Variants in TM9SF2 observed in about 807,000 individuals in gnomAD.
TM9SF2 encodes transmembrane 9 superfamily member 2.
In TM9SF2, 13 loss-of-function variants were observed where a neutral mutation model predicts 84.9. The ratio of observed to expected loss-of-function variants is 0.15; its 90% CI spans 0.10 to 0.24. TM9SF2 has a LOEUF of 0.24. TM9SF2 is among the 10% of genes least tolerant of loss of function. The probability of loss-of-function intolerance (pLI) is 1.00; values close to 1 mark genes in which losing one functional copy is unlikely to be tolerated. For synonymous variants in TM9SF2, 273 were observed against 285.8 expected, an observed-to-expected ratio of 0.96 and a Z score of 0.45; for missense variants, 562 against 818.5, an observed-to-expected ratio of 0.69 and a Z score of 3.82.
At chr13:99,527,462 G>C (rs1278371503) in intron 3 of TM9SF2, among the ~76,000 whole-genome samples, 2 of 152,276 alleles carry the variant, frequency 1.3e-5, no homozygotes, top group South Asian at 2.1e-4. Flanking sequence ...AAAACCATCA[G>C]ATCTTGTGAG....
At chr13:99,531,124 G>A (rs1490543652) in intron 4 of TM9SF2, among the ~76,000 whole-genome samples, 2 of 152,084 alleles carry the variant, frequency 1.3e-5, no homozygotes, top group Admixed American at 6.5e-5. Context: ...GCCTCCCAAA[G>A]TGCTGGAATT....
At chr13:99,522,592 C>T (rs905998510) in intron 3 of TM9SF2, among the ~76,000 whole-genome samples, 20 of 152,168 alleles carry the variant, frequency 1.3e-4, no homozygotes, top group Non-Finnish European at 2.1e-4. Flanking sequence ...TTAAATTTTA[C>T]AATCTTAAAT....
chr13:99,536,582 A>G, intron 4 of TM9SF2, 26 bp from the exon 5 acceptor site: 2 of 1,604,054 alleles, frequency 1.2e-6, no homozygotes, highest in Non-Finnish European at 1.7e-6. Flanking sequence ...GTTCTTTTCT[A>G]ACTTAACTCC....
At chr13:99,559,134 C>T (rs2046335104) in intron 15 of TM9SF2, among the ~76,000 whole-genome samples, 1 of 152,166 alleles carries the variant, frequency 6.6e-6, no homozygotes, top group Non-Finnish European at 1.5e-5. Flanking sequence ...TGCTTCCACA[C>T]ATTTTTAGCC....
At position 99,552,653 on chromosome 13, in the gene TM9SF2, G is replaced by C. The variant is rs147450599; in HGVS notation, c.1488+327G>C. 2.5e-3 allele frequency among the ~76,000 whole-genome samples: 374 copies of C among 152,290 alleles called. 3 individuals are homozygous for C. The highest frequency in any genetic ancestry group is 8.6e-3 in the African/African-American group (358 of 41,546). On this transcript the variant is annotated intron_variant, in intron 13 of 16. Coordinates refer to ENST00000376387, the MANE Select transcript of TM9SF2 (RefSeq NM_004800.3). ...GAGTCTCATTCTGTCACCCAGGCTGGAGTGCAGTGGCGCCATCTCGGCTCA... is the reference window on the plus strand; with the variant it reads ...GAGTCTCATTCTGTCACCCAGGCTGCAGTGCAGTGGCGCCATCTCGGCTCA...
intron 1 of TM9SF2, among the ~76,000 whole-genome samples, chr13:99,511,598 C>T (rs1049337423): frequency 1.3e-4 from 20 of 152,252 alleles, no homozygotes; most frequent in Non-Finnish European, 2.4e-4. Context: ...CTTCACATTC[C>T]TCAGCATGTG....
chr13:99,518,326 G>T (rs1325141960), intron 2 of TM9SF2, among the ~76,000 whole-genome samples: 1 of 152,196 alleles, frequency 6.6e-6, no homozygotes, highest in African/African-American at 2.4e-5. Flanking sequence ...AGCCAGGCTG[G>T]TCTCAAACTC....
At chr13:99,544,907 A>G (rs1462472856) in intron 10 of TM9SF2, among the ~76,000 whole-genome samples, 1 of 152,152 alleles carries the variant, frequency 6.6e-6, no homozygotes, top group African/African-American at 2.4e-5. Context: ...CCTTAGAGGT[A>G]TTGATAGCCA....
intron 1 of TM9SF2, among the ~76,000 whole-genome samples, chr13:99,515,774 C>T (rs1387432856): frequency 6.7e-6 from 1 of 149,460 alleles, no homozygotes. Context: ...GCTCTGTTGC[C>T]CAGGCTGGAG....
At chr13:99,552,044 A>T (rs1398097138) in intron 12 of TM9SF2, 123 bp from the exon 13 acceptor site, 1 of 934,568 alleles carries the variant, frequency 1.1e-6, no homozygotes, top group Non-Finnish European at 1.5e-6. Context: ...ACATCCTGTG[A>T]TGCAGCAATT....
At chr13:99,528,578 T>G (rs375228288) in intron 3 of TM9SF2, among the ~76,000 whole-genome samples, 1 of 152,358 alleles carries the variant, frequency 6.6e-6, no homozygotes, top group East Asian at 1.9e-4. Flanking sequence ...TATTTTAAGT[T>G]TGGTGTCTGT....
intron 1 of TM9SF2, among the ~76,000 whole-genome samples, chr13:99,503,977 ACT>A (rs2046078451): frequency 6.6e-6 from 1 of 152,170 alleles, no homozygotes; most frequent in Non-Finnish European, 1.5e-5. Flanking sequence ...TGCCAGCTAC[ACT>A]CACATCTGGT....
chr13:99,512,263 GCTT>G (rs2046116603), intron 1 of TM9SF2, among the ~76,000 whole-genome samples: 1 of 152,182 alleles, frequency 6.6e-6, no homozygotes, highest in Non-Finnish European at 1.5e-5. Flanking sequence ...TTATGGACCA[GCTT>G]CTGCGTGTAC....
intron 7 of TM9SF2, among the ~76,000 whole-genome samples, chr13:99,540,134 G>C (rs1241458230): frequency 1.3e-5 from 2 of 152,048 alleles, no homozygotes; most frequent in South Asian, 4.1e-4. Flanking sequence ...TTTTATTAGC[G>C]AAGTTTCTTA....
chr13:99,539,255 GT>G (rs1156389051), intron 6 of TM9SF2, among the ~76,000 whole-genome samples, 190 bp from the exon 7 acceptor site: 1 of 151,320 alleles, frequency 6.6e-6, no homozygotes, highest in Non-Finnish European at 1.5e-5. Flanking sequence ...TGCTCTTCAA[GT>G]ATAGTGTTTT....
At chr13:99,558,065 T>C (rs562641081) in intron 15 of TM9SF2, among the ~76,000 whole-genome samples, 1 of 152,344 alleles carries the variant, frequency 6.6e-6, no homozygotes, top group South Asian at 2.1e-4. Flanking sequence ...CCAGCACCAT[T>C]TGTTGAAGAG....
At chr13:99,525,193 G>A (rs569032846) in intron 3 of TM9SF2, among the ~76,000 whole-genome samples, 1 of 152,286 alleles carries the variant, frequency 6.6e-6, no homozygotes, top group Admixed American at 6.5e-5. Flanking sequence ...CTGGCAGTGA[G>A]AAAAAGAGTG....
intron 3 of TM9SF2, among the ~76,000 whole-genome samples, chr13:99,524,465 GGTAA>G (rs1187655644): frequency 3.9e-5 from 6 of 152,030 alleles, no homozygotes; most frequent in Admixed American, 3.9e-4. Context: ...TTTTGGATGT[GGTAA>G]GTGAGAGGTG....
intron 1 of TM9SF2, among the ~76,000 whole-genome samples, chr13:99,508,757 C>A (rs1254112899): frequency 1.3e-5 from 2 of 152,080 alleles, no homozygotes; most frequent in Non-Finnish European, 2.9e-5. Flanking sequence ...CACTTTACAA[C>A]AAGCAGATCT....
Sources: gnomAD v4.1 joint callset for allele counts (sites outside exome capture counted in the v4.1 genomes callset) on GRCh38, gnomAD v4.1.1 for gene constraint, MANE v1.5 for transcripts, NCBI Gene and HGNC (gene_info 2026-07-23, HGNC 2026-07-21) for gene names.